The following HS3ST4 variants were observed in gnomAD, a reference collection of about 807,000 sequenced individuals.
The protein encoded by HS3ST4 is heparan sulfate glucosamine 3-O-sulfotransferase 4.
A neutral mutation model predicts 29.2 loss-of-function variants in HS3ST4; 17 were observed. That is an observed-to-expected ratio of 0.58 (90% CI 0.40 to 0.87). The LOEUF (loss-of-function observed/expected upper bound fraction) is 0.87, where lower values mean the gene tolerates loss of function less well. Ranked by LOEUF, HS3ST4 falls within the 40% of genes least tolerant of loss-of-function variation. The probability of loss-of-function intolerance (pLI) is 0.00; values close to 1 mark genes in which losing one functional copy is unlikely to be tolerated. For synonymous variants in HS3ST4, 314 were observed against 285.7 expected (o/e 1.10, Z -1.00); for missense variants, 627 against 634.5 (o/e 0.99, Z 0.13).
chr16:25,768,334 G>T (rs1247261952), intron 1 of HS3ST4, among the ~76,000 whole-genome samples: 2 of 152,114 alleles, frequency 1.3e-5, no homozygotes, highest in African/African-American at 4.8e-5. Flanking sequence ...GTGTCTCTTG[G>T]GGAAATCAGA....
At chr16:26,100,626 C>T (rs1596681090) in intron 1 of HS3ST4, among the ~76,000 whole-genome samples, 1 of 152,278 alleles carries the variant, frequency 6.6e-6, no homozygotes, top group Middle Eastern at 3.4e-3. Flanking sequence ...GGGCAACTCT[C>T]TGATAATGAG....
chr16:25,896,473 G>A (rs1457223489), intron 1 of HS3ST4, among the ~76,000 whole-genome samples: 1 of 152,184 alleles, frequency 6.6e-6, no homozygotes, highest in African/African-American at 2.4e-5. Context: ...AGTCAGAATG[G>A]CTTTTGTTAA....
At chr16:26,029,917 C>T (rs1279039824) in intron 1 of HS3ST4, among the ~76,000 whole-genome samples, 3 of 152,186 alleles carry the variant, frequency 2.0e-5, no homozygotes, top group South Asian at 2.1e-4. Flanking sequence ...AACCCCACAC[C>T]TCTGCACACA....
intron 1 of HS3ST4, among the ~76,000 whole-genome samples, chr16:25,831,525 A>G (rs1313840591): frequency 6.6e-6 from 1 of 151,904 alleles, no homozygotes; most frequent in Non-Finnish European, 1.5e-5. Flanking sequence ...CTGGAGATTG[A>G]GGCTGCAATG....
intron 1 of HS3ST4, among the ~76,000 whole-genome samples, chr16:25,870,235 C>A (rs1268049889): frequency 6.6e-6 from 1 of 152,174 alleles, no homozygotes; most frequent in Non-Finnish European, 1.5e-5. Flanking sequence ...TATCCCCTAT[C>A]TATCCATCCA....
At chr16:26,134,460 C>T (rs1898254369) in intron 1 of HS3ST4, among the ~76,000 whole-genome samples, 1 of 149,810 alleles carries the variant, frequency 6.7e-6, no homozygotes, top group African/African-American at 2.5e-5. Flanking sequence ...CCTCCTGGGT[C>T]CAAGTGATTT....
At chr16:25,706,872 T>G (rs894692056) in intron 1 of HS3ST4, among the ~76,000 whole-genome samples, 1 of 152,230 alleles carries the variant, frequency 6.6e-6, no homozygotes, top group Admixed American at 6.5e-5. Context: ...ATCCGCAGTT[T>G]CACTTTCTGA....
chr16:25,797,041 A>G (rs1966890032), intron 1 of HS3ST4, among the ~76,000 whole-genome samples: 1 of 152,000 alleles, frequency 6.6e-6, no homozygotes, highest in African/African-American at 2.4e-5. Flanking sequence ...CCTCACTACC[A>G]TTTTCTGTCC....
At chr16:25,944,204 A>C (rs1417466496) in intron 1 of HS3ST4, among the ~76,000 whole-genome samples, 2 of 152,194 alleles carry the variant, frequency 1.3e-5, no homozygotes, top group Non-Finnish European at 2.9e-5. Flanking sequence ...AGGCACGCAG[A>C]CACTGGAGAG....
intron 1 of HS3ST4, among the ~76,000 whole-genome samples, chr16:25,807,609 T>C (rs1186644356): frequency 6.6e-6 from 1 of 152,268 alleles, no homozygotes; most frequent in Admixed American, 6.5e-5. Flanking sequence ...ATAAGGCTGC[T>C]GTGAAACTTT....
intron 1 of HS3ST4, among the ~76,000 whole-genome samples, chr16:25,902,253 C>T (rs1968126754): frequency 6.6e-6 from 1 of 152,128 alleles, no homozygotes; most frequent in South Asian, 2.1e-4. Context: ...CATGGTGGCT[C>T]ATGCCTGCAA....
intron 1 of HS3ST4, among the ~76,000 whole-genome samples, chr16:26,058,027 G>A (rs1421026460): frequency 6.6e-6 from 1 of 151,998 alleles, no homozygotes; most frequent in East Asian, 1.9e-4. Context: ...TCCTCTCTGA[G>A]ATTTAATCAG....
chr16:25,777,839 C>T (rs1257712402), intron 1 of HS3ST4, among the ~76,000 whole-genome samples: 3 of 152,162 alleles, frequency 2.0e-5, no homozygotes, highest in South Asian at 4.2e-4. Flanking sequence ...TTGTGTAGAC[C>T]TCCAATATGC....
intron 1 of HS3ST4, among the ~76,000 whole-genome samples, chr16:26,005,671 G>T (rs1969251139): frequency 6.6e-6 from 1 of 151,810 alleles, no homozygotes; most frequent in Non-Finnish European, 1.5e-5. Context: ...CACCATCATG[G>T]TGTCCCTGGC....
chr16:26,027,872 T>A (rs1171408341), intron 1 of HS3ST4, among the ~76,000 whole-genome samples: 2 of 152,170 alleles, frequency 1.3e-5, no homozygotes, highest in Non-Finnish European at 2.9e-5. Flanking sequence ...GACTCCATGG[T>A]CTTAACCCTT....
chr16:25,780,975 C>T (rs1194556188), intron 1 of HS3ST4, among the ~76,000 whole-genome samples: 2 of 152,126 alleles, frequency 1.3e-5, no homozygotes, highest in Non-Finnish European at 2.9e-5. Flanking sequence ...TGGCCCCACA[C>T]CCCCAGGAAG....
chr16:25,859,709 A>G (rs752567367), intron 1 of HS3ST4, among the ~76,000 whole-genome samples: 4 of 152,232 alleles, frequency 2.6e-5, no homozygotes, highest in African/African-American at 4.8e-5. Flanking sequence ...AAGACCTTAA[A>G]AGACACCTCA....
At chr16:25,726,832 G>A (rs1966538525) in intron 1 of HS3ST4, among the ~76,000 whole-genome samples, 1 of 152,190 alleles carries the variant, frequency 6.6e-6, no homozygotes, top group Non-Finnish European at 1.5e-5. Flanking sequence ...CTCTGTAGGT[G>A]ACGTTTAGCA....
At chr16:25,816,566 G>A (rs969873283) in intron 1 of HS3ST4, among the ~76,000 whole-genome samples, 1 of 152,178 alleles carries the variant, frequency 6.6e-6, no homozygotes, top group East Asian at 1.9e-4. Context: ...GATTCCAAGA[G>A]GCTAGAACAT....
Sources: gnomAD v4.1 joint callset for allele counts (sites outside exome capture counted in the v4.1 genomes callset) on GRCh38, gnomAD v4.1.1 for gene constraint, MANE v1.5 for transcripts, NCBI Gene and HGNC (gene_info 2026-07-23, HGNC 2026-07-21) for gene names.